The following WDTC1 variants were observed in gnomAD, a reference collection of about 807,000 sequenced individuals.
The protein encoded by WDTC1 is WD and tetratricopeptide repeats 1, also known as WD and tetratricopeptide repeats protein 1.
A neutral mutation model predicts 76.0 loss-of-function variants in WDTC1; 12 were observed. The observed-to-expected ratio is 0.16, with a 90% CI of 0.10 to 0.26. The LOEUF (loss-of-function observed/expected upper bound fraction) is 0.26. Among genes scored for constraint, WDTC1 ranks in the 10% least tolerant of loss-of-function variants. WDTC1 has a pLI of 1.00. For synonymous variants in WDTC1, 326 were observed against 350.8 expected, an observed-to-expected ratio of 0.93 and a Z score of 0.79; for missense variants, 511 against 908.8, an observed-to-expected ratio of 0.56 and a Z score of 5.63.
In WDTC1 at chr1:27,240,877, C is replaced by T. The variant is rs145624704; in HGVS notation, c.-100+5926C>T. Among the ~76,000 whole-genome samples, 249 of 150,664 alleles carry T rather than the reference C, an allele frequency of 1.7e-3. 2 individuals are homozygous for T. Among genetic ancestry groups the T allele is most frequent in the African/African-American group, 5.8e-3 (240 of 41,084 alleles). ...GTAGTCCCAGCTACTCAGGAGGCTG[C>T]GGCAGGAGAATCGCATGAACTCAGA... On this transcript the variant is annotated intron_variant, in intron 1 of 15. Coordinates refer to ENST00000319394, the MANE Select transcript of WDTC1 (RefSeq NM_001276252.2).
Position 27,294,599 on chromosome 1 carries a change from A to G in WDTC1, c.843A>G (p.Thr281=). The G allele has an allele frequency of 6.2e-7, 1 of 1,614,136 alleles. No individual in the cohort carries two copies. Among genetic ancestry groups the G allele is most frequent in the Middle Eastern group, 1.7e-4 (1 of 6,060 alleles). Residue 281 remains threonine, a synonymous_variant, in exon 9 of 16, where the codon ACA becomes ACG. Coordinates refer to ENST00000319394, the MANE Select transcript of WDTC1 (RefSeq NM_001276252.2). ...ATYVTFSPNG[T]ELLVNMGGEQ... is the part of the protein sequence containing the mutation. ...ATGTGACCTTCAGCCCCAATGGCAC[A>G]GAGCTACTAGTCAACATGGGGGGGG...
intron 3 of WDTC1, among the ~76,000 whole-genome samples, chr1:27,278,066 C>T (rs535725418): frequency 4.1e-4 from 63 of 152,140 alleles, no homozygotes; most frequent in Non-Finnish European, 7.2e-4. Context: ...TGGTCTCAAA[C>T]CCCTGACCTC....
At chr1:27,243,317 A>T (rs1208142576) in intron 1 of WDTC1, among the ~76,000 whole-genome samples, 1 of 143,822 alleles carries the variant, frequency 7.0e-6, no homozygotes, top group African/African-American at 2.6e-5. Context: ...AGTTCAAGTG[A>T]TTCTCCTGCC....
At position 27,301,915 on chromosome 1, in the gene WDTC1, G is replaced by A. The variant is rs1266582114; in HGVS notation, c.1468+454G>A. Among the ~76,000 whole-genome samples the A allele has an allele frequency of 6.6e-6, 1 of 152,198 alleles. No homozygotes were observed. Among genetic ancestry groups the A allele is most frequent in the Non-Finnish European group, 1.5e-5 (1 of 68,034 alleles). On this transcript the variant is annotated intron_variant, in intron 13 of 15. Coordinates refer to ENST00000319394, the MANE Select transcript of WDTC1 (RefSeq NM_001276252.2). The surrounding 1 kb of genome is among the most constrained non-coding windows in gnomAD (Gnocchi z 5.8). ...AGTAGAAATGCCTCAGGCTTGGAATGTGGGGCCTCGGTTCCAAATGCAGCT... is the reference window on the plus strand; with the variant it reads ...AGTAGAAATGCCTCAGGCTTGGAATATGGGGCCTCGGTTCCAAATGCAGCT...
chr1:27,257,164 G>A (rs2012310906), intron 1 of WDTC1, among the ~76,000 whole-genome samples: 1 of 152,038 alleles, frequency 6.6e-6, no homozygotes, highest in South Asian at 2.1e-4. Context: ...GCCCGGCCTG[G>A]CAACATATAT....
rs1281113810 is a variant in WDTC1 at position 27,283,525 on chromosome 1, G to A, written c.291+76G>A. The A allele has an allele frequency of 2.2e-6, 3 of 1,352,690 alleles. No individual in the cohort carries two copies. The African/African-American group carries it at 4.3e-5, about 19-fold the overall frequency. 83.8% of individuals were successfully genotyped at this position (1,352,690 alleles called of 1,614,324 possible). On this transcript the variant is annotated intron_variant, in intron 5 of 15. Coordinates refer to ENST00000319394, the MANE Select transcript of WDTC1 (RefSeq NM_001276252.2). ...AGTGACTGGGCTGTGGCCACGCCAT[G>A]TTGGTATGTGTGTGTCCCATATACC...
intron 6 of WDTC1, among the ~76,000 whole-genome samples, chr1:27,288,940 C>CCGTG (rs2013428588): frequency 6.6e-6 from 1 of 150,454 alleles, no homozygotes; most frequent in Non-Finnish European, 1.5e-5. Context: ...GGCAGAGGCA[C>CCGTG]CCCTCACCTC....
chr1:27,237,794 G>C (rs776737796), intron 1 of WDTC1, among the ~76,000 whole-genome samples: 5 of 149,680 alleles, frequency 3.3e-5, no homozygotes, highest in Admixed American at 6.7e-5. Flanking sequence ...CCAGGAGGTG[G>C]AGGTTGCGGT....
intron 2 of WDTC1, among the ~76,000 whole-genome samples, chr1:27,262,167 A>G (rs191470668): frequency 1.6e-3 from 237 of 152,058 alleles, no homozygotes; most frequent in African/African-American, 5.5e-3. Flanking sequence ...TGACCTCGTG[A>G]TCCACCCACC....
intron 1 of WDTC1, among the ~76,000 whole-genome samples, chr1:27,251,419 A>G (rs2012056217): frequency 6.6e-6 from 1 of 151,970 alleles, no homozygotes; most frequent in South Asian, 2.1e-4. Context: ...CTGTGCCTTA[A>G]GTATTTTTAT....
intron 3 of WDTC1, among the ~76,000 whole-genome samples, chr1:27,281,435 G>A (rs1213116250): frequency 7.8e-6 from 1 of 127,936 alleles, no homozygotes; most frequent in Admixed American, 8.5e-5. Context: ...GCCTGACTCT[G>A]TCTCAAAAAA....
Position 27,303,490 on chromosome 1 carries a change from C to G in WDTC1, c.1469-131C>G. On this transcript the variant is annotated intron_variant, in intron 13 of 15. Coordinates refer to ENST00000319394, the MANE Select transcript of WDTC1 (RefSeq NM_001276252.2). The surrounding 1 kb of genome is among the most constrained non-coding windows in gnomAD (Gnocchi z 4.8). ...TTCCTCACAACCTTTCCCCAGTTTT[C>G]CAGGATAAGGGTGGAGGCAGGTAGC... is the stretch of plus-strand genomic sequence containing the variant. 8.6e-7 allele frequency: 1 copy of G among 1,169,094 alleles called. No homozygotes were observed. The highest frequency in any genetic ancestry group is 1.9e-5 in the South Asian group (1 of 53,008). 72.4% of individuals were successfully genotyped at this position (1,169,094 alleles called of 1,614,324 possible).
chr1:27,243,106 C>T (rs1053870988), intron 1 of WDTC1, among the ~76,000 whole-genome samples: 1 of 151,948 alleles, frequency 6.6e-6, no homozygotes, highest in Non-Finnish European at 1.5e-5. Flanking sequence ...CAGCTTAACC[C>T]TAAGGAATGG....
rs1218401842 is a variant in WDTC1, at chr1:27,234,800, C to T, written c.-251C>T. The T allele has an allele frequency of 5.0e-6, 2 of 398,108 alleles. No individual in the cohort carries two copies. The highest frequency in any genetic ancestry group is 4.1e-5 in the African/African-American group (2 of 48,478). 24.7% of individuals were successfully genotyped at this position (398,108 alleles called of 1,614,324 possible). ...TGTCCGGCCCCGGCCAGGCGCCGGG[C>T]GGGGAGCATGGGAAGGGGCTAGAAC... is the stretch of plus-strand genomic sequence containing the variant. On this transcript the variant is annotated 5_prime_UTR_variant, in exon 1 of 16. Transcript: ENST00000319394.
chr1:27,262,973 T>C (rs1342667566), intron 2 of WDTC1, among the ~76,000 whole-genome samples, 179 bp from the exon 3 acceptor site: 1 of 151,918 alleles, frequency 6.6e-6, no homozygotes, highest in Non-Finnish European at 1.5e-5. Context: ...AATTATATAC[T>C]ACTGTCTTCT....
chr1:27,269,606 G>GATTTTTTTTTGTTTTTTGTT (rs2012793320), intron 3 of WDTC1, among the ~76,000 whole-genome samples: 1 of 119,482 alleles, frequency 8.4e-6, no homozygotes, highest in Admixed American at 1.1e-4. Context: ...TTTGTTTTTT[G>GATTTTTTTTTGTTTTTTGTT]TTTTTTTTTT....
Position 27,234,667 on chromosome 1 carries a change from TAAAC to T in WDTC1, c.-382_-379del, listed in dbSNP as rs2011449357. 2.5e-6 allele frequency: 1 copy of T among 395,600 alleles called. No individual in the cohort carries two copies. The allele number at this position is 395,600 out of a possible 1,614,324, so 24.5% of individuals were successfully genotyped here. Reference sequence around the variant, plus strand: ...TGGGTCCCCAGACAGCTGGAGGAGATAAACAGAGGAGGAGGAGGGAGGGGAGTGC... The same window carrying T: ...TGGGTCCCCAGACAGCTGGAGGAGATAGAGGAGGAGGAGGGAGGGGAGTGC... On this transcript the variant is annotated 5_prime_UTR_variant, in exon 1 of 16. Transcript: ENST00000319394.
intron 1 of WDTC1, among the ~76,000 whole-genome samples, chr1:27,260,327 G>A (rs1455146872): frequency 1.3e-5 from 2 of 152,124 alleles, no homozygotes; most frequent in Non-Finnish European, 2.9e-5. Flanking sequence ...GGATGGTCTC[G>A]ATCTCCTGAC....
At chr1:27,236,162 G>A (rs961208791) in intron 1 of WDTC1, among the ~76,000 whole-genome samples, 3 of 152,138 alleles carry the variant, frequency 2.0e-5, no homozygotes, top group Admixed American at 1.3e-4. Context: ...TCTGTCTTGA[G>A]TTCTGGCTTA....
Sources: allele counts gnomAD v4.1 joint callset (sites outside exome capture counted in the v4.1 genomes callset), GRCh38; gene constraint gnomAD v4.1.1; non-coding constraint Gnocchi (gnomAD v3.1); transcripts MANE v1.5; gene names NCBI Gene and HGNC (gene_info 2026-07-23, HGNC 2026-07-21).